FBN3: variants seen among roughly 807,000 people sequenced by gnomAD.
FBN3 encodes the protein fibrillin 3.
Under a neutral mutation model 330.1 loss-of-function variants are expected in FBN3, and 234 were observed. The ratio of observed to expected loss-of-function variants is 0.71; its 90% confidence interval spans 0.64 to 0.79. FBN3 has a LOEUF of 0.79. Ranked by LOEUF, FBN3 falls within the 30% of genes least tolerant of loss-of-function variation. The probability of loss-of-function intolerance (pLI) is 0.00; values close to 1 mark genes in which losing one functional copy is unlikely to be tolerated. For synonymous variants in FBN3, 1,458 were observed against 1,517.3 expected, an observed-to-expected ratio of 0.96 and a Z score of 0.91; for missense variants, 3,606 against 3,886.9, an observed-to-expected ratio of 0.93 and a Z score of 1.92.
chr19:8,090,263 G>A lies in FBN3; in HGVS notation c.6032-12C>T. On this transcript the variant is annotated splice_polypyrimidine_tract_variant and intron_variant, in intron 48 of 63. Transcript: ENST00000600128. ...ACTCTGCCGTGTGTCTGTGGGGTGG[G>A]GGCTCCATTACCCTGATTGAAAGCC... 2.5e-6 allele frequency: 4 copies of A among 1,613,554 alleles called. No individual in the cohort carries two copies. The highest frequency in any genetic ancestry group is 3.4e-6 in the Non-Finnish European group (4 of 1,179,866).
intron 28 of FBN3, among the ~76,000 whole-genome samples, 151 bp downstream of exon 28, chr19:8,117,001 ACAGGGTGAGCAGCCTGC>A (rs1268153713): frequency 6.6e-6 from 1 of 152,078 alleles, no homozygotes; most frequent in Non-Finnish European, 1.5e-5. Flanking sequence ...GGGCTCTCCC[ACAGGGTGAGCAGCCTGC>A]CTGGGGCCAG....
chr19:8,135,935 T>TGGGGGGGGGGGGGGC, intron 13 of FBN3, 26 bp downstream of exon 13: 8 of 1,344,152 alleles, frequency 6.0e-6, no homozygotes, highest in South Asian at 2.6e-5. Context: ...CGGAAGCCCC[T>TGGGGGGGGGGGGGGC]GCCCACCCGC....
At chr19:8,083,668 T>C (rs907632483) in intron 56 of FBN3, among the ~76,000 whole-genome samples, 1 of 151,356 alleles carries the variant, frequency 6.6e-6, no homozygotes, top group Non-Finnish European at 1.5e-5. Context: ...ACACAGTGCA[T>C]GCAACATGAT....
At chr19:8,104,209 C>T (rs964916654) in intron 38 of FBN3, among the ~76,000 whole-genome samples, 6 of 148,894 alleles carry the variant, frequency 4.0e-5, no homozygotes, top group African/African-American at 1.5e-4. Context: ...TGCAGTGGCT[C>T]ATGCCTATCA....
At chr19:8,137,621 T>C (rs1175546884) in intron 10 of FBN3, among the ~76,000 whole-genome samples, 1 of 150,850 alleles carries the variant, frequency 6.6e-6, no homozygotes, top group Non-Finnish European at 1.5e-5. Flanking sequence ...TATTTATTTA[T>C]TTATTTATTT....
intron 52 of FBN3, 33 bp from the exon 53 acceptor site, chr19:8,087,980 G>T (rs150819886): frequency 6.2e-7 from 1 of 1,614,110 alleles, no homozygotes; most frequent in East Asian, 2.2e-5. Flanking sequence ...CAGCTGGGTA[G>T]GGACTGAGGG....
intron 6 of FBN3, 22 bp downstream of exon 6, chr19:8,144,855 C>T: frequency 6.4e-7 from 1 of 1,568,108 alleles, no homozygotes; most frequent in South Asian, 1.2e-5. Context: ...CTGTCTACCT[C>T]CCACCCGCGC....
At chr19:8,139,929 G>A (rs1216884789) in intron 8 of FBN3, among the ~76,000 whole-genome samples, 1 of 151,772 alleles carries the variant, frequency 6.6e-6, no homozygotes, top group East Asian at 2.0e-4. Flanking sequence ...TACCTCCCTG[G>A]TCCCCTCCCC....
chr19:8,131,533 A>T lies in FBN3; in HGVS notation c.1990+21T>A. 6.3e-7 allele frequency: 1 copy of T among 1,588,376 alleles called. No homozygotes were observed. Among genetic ancestry groups the T allele is most frequent in the South Asian group, 1.2e-5 (1 of 86,644 alleles). ...CATTCAGACCAAGGAGGCGATGGGG[A>T]CCGGGCAGCCGGATGCTCACCGGAG... On this transcript the variant is annotated intron_variant, in intron 15 of 63. Coordinates refer to ENST00000600128, the MANE Select transcript of FBN3 (RefSeq NM_032447.5). This position sits in a 1 kb window ranked among gnomAD's most constrained non-coding sequence, Gnocchi z 4.5.
rs8101644 is a variant in FBN3 at position 8,089,971 on chromosome 19, G to C, written c.6185-12C>G. ...CTCCTGAAAGGCAGCTGGACGGAGA[G>C]GGGGAGGGGAGTCAGAGTCAGGGCC... On this transcript the variant is annotated splice_polypyrimidine_tract_variant and intron_variant, in intron 49 of 63. Transcript: ENST00000600128. The C allele has an allele frequency of 1.9e-6, 3 of 1,609,054 alleles. No homozygotes were observed. The highest frequency in any genetic ancestry group is 2.5e-6 in the Non-Finnish European group (3 of 1,178,774).
chr19:8,116,312 C>G (rs2082703496), intron 29 of FBN3, among the ~76,000 whole-genome samples: 1 of 152,146 alleles, frequency 6.6e-6, no homozygotes, highest in Non-Finnish European at 1.5e-5. Flanking sequence ...GTCCACTGTC[C>G]TCTGCCAGAA....
At chr19:8,144,668 C>T (rs1351170299) in intron 6 of FBN3, among the ~76,000 whole-genome samples, 6 of 151,892 alleles carry the variant, frequency 4.0e-5, no homozygotes, top group Non-Finnish European at 1.5e-5. Context: ...CTACCAGACT[C>T]CAACACAGGT....
Position 8,115,639 on chromosome 19 carries a change from A to G in FBN3, c.3714T>C (p.Asp1238=), listed in dbSNP as rs1305086633. 3 of 1,613,788 alleles carry G rather than the reference A, an allele frequency of 1.9e-6. No homozygotes were observed. The South Asian group carries it at 3.3e-5, about 18-fold the overall frequency. Residue 1238 remains aspartate (D), a splice_region_variant and synonymous_variant, in exon 30 of 64, where the codon GAT becomes GAC. Coordinates refer to ENST00000600128, the MANE Select transcript of FBN3 (RefSeq NM_032447.5). ...MATPDMRTCV[D]VDECDLNPHI... ...GAGGGTTCAGGTCACACTCATCCAC[A>G]TCTGTTGGGGAAGAGAGCATGAGGT...
At chr19:8,084,661 A>G (rs2081893275) in intron 56 of FBN3, among the ~76,000 whole-genome samples, 1 of 151,810 alleles carries the variant, frequency 6.6e-6, no homozygotes, top group African/African-American at 2.4e-5. Flanking sequence ...ATCTCGTCTC[A>G]CTGCAAGCTC....
chr19:8,132,218 A>T (rs1403427802), intron 14 of FBN3, among the ~76,000 whole-genome samples: 2 of 150,180 alleles, frequency 1.3e-5, no homozygotes, highest in Non-Finnish European at 2.9e-5. Context: ...GCTAATTTTT[A>T]AAAATTTTTT....
chr19:8,131,860 TTCCAGCGTGC>T lies in FBN3; in HGVS notation c.1715-41_1715-32del. 1 of 1,538,432 alleles carries T rather than the reference TTCCAGCGTGC, an allele frequency of 6.5e-7. No homozygotes were observed. ...GAAGCAGTGGCGGCACGGGGATGGG[TTCCAGCGTGC>T]TCCCTTCCTCTCTCCCCTCCCCATC... On this transcript the variant is annotated intron_variant, in intron 14 of 63. Coordinates refer to ENST00000600128, the MANE Select transcript of FBN3 (RefSeq NM_032447.5). The surrounding 1 kb of genome is among the most constrained non-coding windows in gnomAD (Gnocchi z 4.5).
intron 38 of FBN3, among the ~76,000 whole-genome samples, chr19:8,104,400 G>C (rs1339615226): frequency 2.6e-5 from 4 of 151,524 alleles, no homozygotes; most frequent in Non-Finnish European, 5.9e-5. Flanking sequence ...GAGTCCAGGA[G>C]GTCAAGACTA....
intron 8 of FBN3, among the ~76,000 whole-genome samples, chr19:8,140,673 T>C (rs2083390424): frequency 1.3e-5 from 2 of 152,004 alleles, no homozygotes; most frequent in South Asian, 2.1e-4. Context: ...ATGGGGAAAC[T>C]GAGGCACAGA....
rs541081299 is a variant in FBN3, at chr19:8,075,476, T to C, written c.7454-65A>G. 7.8e-6 allele frequency: 12 copies of C among 1,544,624 alleles called. No homozygotes were observed. The African/African-American group carries it at 1.4e-4, about 17-fold the overall frequency. ...AAGGAACTCGTGTCAGGTGACACAA[T>C]GCCAGTCCCACCACTGTGTGGCTTC... On this transcript the variant is annotated intron_variant, in intron 59 of 63. Coordinates refer to ENST00000600128, the MANE Select transcript of FBN3 (RefSeq NM_032447.5).
Sources: gnomAD v4.1 joint callset for allele counts (sites outside exome capture counted in the v4.1 genomes callset) on GRCh38, gnomAD v4.1.1 for gene constraint, Gnocchi (gnomAD v3.1) non-coding constraint, MANE v1.5 for transcripts, NCBI Gene and HGNC (gene_info 2026-07-23, HGNC 2026-07-21) for gene names.